The following HAUS8 variants were observed in gnomAD, a reference collection of about 807,000 sequenced individuals.
HAUS8 encodes the protein HAUS augmin-like complex subunit 8.
HAUS8 carries 38 observed loss-of-function variants against 42.9 expected under a neutral mutation model. That is an observed-to-expected ratio of 0.89 (90% confidence interval 0.68 to 1.16). HAUS8 has a LOEUF of 1.16. HAUS8 is among the 50% of genes most tolerant of loss of function. The pLI is 0.00. For synonymous variants in HAUS8, 199 were observed against 205.8 expected, an observed-to-expected ratio of 0.97 and a Z score of 0.28; for missense variants, 494 against 511.6, an observed-to-expected ratio of 0.97 and a Z score of 0.33.
intron 2 of HAUS8, 73 bp downstream of exon 2, chr19:17,073,201 T>C (rs1386922639): frequency 9.4e-6 from 13 of 1,389,746 alleles, no homozygotes; most frequent in Non-Finnish European, 1.2e-5. Context: ...TCTGGCCTGT[T>C]TTTTTCTTCC....
At position 17,052,905 on chromosome 19, in the gene HAUS8, A is replaced by AT. The variant is rs1280211440; in HGVS notation, c.848dup (p.Asp283GlufsTer25). On this transcript the variant is annotated frameshift_variant, in exon 10 of 11. Transcript: ENST00000253669. LOFTEE classifies it high-confidence loss of function. ...CCAGCACCTGCACATTTTCTTCCGAATCACCAACATCAAGTTCTCCCAGGA... is the reference window on the plus strand; with the variant it reads ...CCAGCACCTGCACATTTTCTTCCGAATTCACCAACATCAAGTTCTCCCAGGA... 3 of 1,614,142 alleles carry AT rather than the reference A, an allele frequency of 1.9e-6. No individual in the cohort carries two copies. In the South Asian group the frequency reaches 3.3e-5, roughly 18 times the overall value.
chr19:17,056,253 G>A (rs1157602962), intron 8 of HAUS8, among the ~76,000 whole-genome samples: 1 of 152,168 alleles, frequency 6.6e-6, no homozygotes, highest in Admixed American at 6.5e-5. Context: ...CCTCAGCTGA[G>A]CCCACCTGCT....
intron 3 of HAUS8, among the ~76,000 whole-genome samples, chr19:17,064,768 G>A (rs2057378566): frequency 6.6e-6 from 1 of 152,180 alleles, no homozygotes; most frequent in African/African-American, 2.4e-5. Flanking sequence ...CAAGAAAACA[G>A]GAGAAAAATC....
Position 17,060,166 on chromosome 19 carries a change from G to A in HAUS8, c.230-74C>T, listed in dbSNP as rs547538829. 572 of 1,032,984 alleles carry A rather than the reference G, an allele frequency of 5.5e-4. 1 individual carries two copies. The highest frequency in any genetic ancestry group is 9.6e-4 in the African/African-American group (60 of 62,808). 64.0% of individuals were successfully genotyped at this position (1,032,984 alleles called of 1,614,324 possible). On this transcript the variant is annotated intron_variant, in intron 4 of 10. Coordinates refer to ENST00000253669, the MANE Select transcript of HAUS8 (RefSeq NM_033417.2). ...CCATTCAAGCCAGGAAACGCAGGCC[G>A]TGTTTTTGAACAATACCACTTGCTT...
chr19:17,058,526 A>C (rs371952776), intron 8 of HAUS8, 23 bp downstream of exon 8: 1 of 1,567,558 alleles, frequency 6.4e-7, no homozygotes, highest in Non-Finnish European at 8.6e-7. Flanking sequence ...CTCACTGGTC[A>C]CAGAGTGTCA....
rs2057368117 is a variant in HAUS8 at position 17,062,714 on chromosome 19, C to T, written c.213G>A (p.Leu71=). The change falls in exon 4 of 11, where the codon CTG becomes CTA. Residue 71 remains leucine (L), a synonymous_variant. Transcript: ENST00000253669. ...KMSEGGRKSS[L]LQKSKADSSG... is the part of the protein sequence containing the mutation. ...GTTTCGCACCTTTGCTTTTCTGGAG[C>T]AGGCTGGATTTCCTTCCACCTTCAG... 4 of 1,614,148 alleles carry T rather than the reference C, an allele frequency of 2.5e-6. No individual in the cohort carries two copies. Among genetic ancestry groups the T allele is most frequent in the Non-Finnish European group, 3.4e-6 (4 of 1,179,980 alleles).
upstream of HAUS8, chr19:17,075,526 T>C (rs2057468388): frequency 1.5e-6 from 2 of 1,296,770 alleles, no homozygotes; most frequent in Non-Finnish European, 2.2e-6. Flanking sequence ...GAGGGGTGGC[T>C]GCGAGGCGTG....
chr19:17,059,796 G>C, intron 5 of HAUS8, 145 bp from the exon 6 acceptor site: 1 of 687,582 alleles, frequency 1.5e-6, no homozygotes, highest in South Asian at 1.8e-5. Flanking sequence ...TCCAGTTAAA[G>C]TTGTTCAACT....
rs1380040788 is a variant in HAUS8, at chr19:17,056,091, T to C, written c.646-89A>G. ...CTTAACGGCTTGTGCAGGGTTAAGATACAGCGCTGTTCTTCACCACCCCCC... is the reference window on the plus strand; with the variant it reads ...CTTAACGGCTTGTGCAGGGTTAAGACACAGCGCTGTTCTTCACCACCCCCC... On this transcript the variant is annotated intron_variant, in intron 8 of 10. Transcript: ENST00000253669. 10 of 1,126,984 alleles carry C rather than the reference T, an allele frequency of 8.9e-6. No individual in the cohort carries two copies. The East Asian group carries it at 2.4e-4, about 27-fold the overall frequency. 69.8% of individuals were successfully genotyped at this position (1,126,984 alleles called of 1,614,324 possible). A position where few individuals can be genotyped will look rare whatever the true frequency, so the allele number is the denominator to read the frequency against.
chr19:17,072,337 CCT>C (rs1491103600), intron 2 of HAUS8, among the ~76,000 whole-genome samples: 10 of 127,212 alleles, frequency 7.9e-5, no homozygotes, highest in Admixed American at 2.8e-4. Flanking sequence ...CCGAGCATTT[CCT>C]TTTTTTTTTT....
In HAUS8 at chr19:17,062,780, C is replaced by G. The variant is rs1363200320; in HGVS notation, c.148-1G>C. 1.2e-6 allele frequency: 2 copies of G among 1,611,470 alleles called. No homozygotes were observed. Among genetic ancestry groups the G allele is most frequent in the Non-Finnish European group, 1.7e-6 (2 of 1,177,678 alleles). On this transcript the variant is annotated splice_acceptor_variant, in intron 3 of 10. Coordinates refer to ENST00000253669, the MANE Select transcript of HAUS8 (RefSeq NM_033417.2). LOFTEE classifies it high-confidence loss of function. ...TCTGTGACCCATCTCCTGCAGGAGC[C>G]TGTTATGGGAACACATGACACTCAG...
At chr19:17,058,463 C>A in intron 8 of HAUS8, 86 bp downstream of exon 8, 2 of 1,333,960 alleles carry the variant, frequency 1.5e-6, no homozygotes, top group South Asian at 1.4e-5. Context: ...GCAATGATAC[C>A]CTAGCACGAA....
chr19:17,064,132 G>C (rs1013379644), intron 3 of HAUS8, among the ~76,000 whole-genome samples: 1 of 152,124 alleles, frequency 6.6e-6, no homozygotes. Context: ...AATTAAAATA[G>C]AGTACCATAT....
chr19:17,060,200 C>T (rs1452352036), intron 4 of HAUS8, 108 bp from the exon 5 acceptor site: 10 of 546,022 alleles, frequency 1.8e-5, no homozygotes, highest in Non-Finnish European at 2.2e-5. Flanking sequence ...TTCTAAAAGC[C>T]CAATTTCGTC....
At position 17,062,931 on chromosome 19, in the gene HAUS8, G is replaced by A. The variant is rs1210925548; in HGVS notation, c.148-152C>T. The A allele has an allele frequency of 5.1e-6, 3 of 591,490 alleles. No individual in the cohort carries two copies. In the African/African-American group the frequency reaches 5.6e-5, roughly 11 times the overall value. The allele number at this position is 591,490 out of a possible 1,614,324, so 36.6% of individuals were successfully genotyped here. On this transcript the variant is annotated intron_variant, in intron 3 of 10. Coordinates refer to ENST00000253669, the MANE Select transcript of HAUS8 (RefSeq NM_033417.2). ...TTTGAAATCTTACCTCATATACACA[G>A]GACAAACAAATTTTGTCAAAATGTA...
intron 10 of HAUS8, among the ~76,000 whole-genome samples, chr19:17,051,366 GT>G (rs2057286119): frequency 7.2e-6 from 1 of 139,676 alleles, no homozygotes; most frequent in South Asian, 2.4e-4. Context: ...AAAGCGCGTG[GT>G]TAGAAATCTC....
intron 1 of HAUS8, 21 bp from the exon 2 acceptor site, chr19:17,073,356 G>A: frequency 6.2e-7 from 1 of 1,611,322 alleles, no homozygotes. Flanking sequence ...AGAGAGAGAG[G>A]TCTTGTTCAC....
At position 17,049,783 on chromosome 19, in the gene HAUS8, T is replaced by C; in HGVS notation, c.*90A>G. 1 of 1,147,720 alleles carries C rather than the reference T, an allele frequency of 8.7e-7. No individual in the cohort carries two copies. The highest frequency in any genetic ancestry group is 1.1e-6 in the Non-Finnish European group (1 of 869,890). The allele number at this position is 1,147,720 out of a possible 1,614,324, so 71.1% of individuals were successfully genotyped here. A position where few individuals can be genotyped will look rare whatever the true frequency, so the allele number is the denominator to read the frequency against. On this transcript the variant is annotated 3_prime_UTR_variant, in exon 11 of 11. Coordinates refer to ENST00000253669, the MANE Select transcript of HAUS8 (RefSeq NM_033417.2). Reference sequence around the variant, plus strand: ...GGCTTCAATTGCAAAACAGGTTTACTTTTTTATCAAACAAGATTATCACAT... The same window carrying C: ...GGCTTCAATTGCAAAACAGGTTTACCTTTTTATCAAACAAGATTATCACAT...
At chr19:17,054,085 G>A (rs563443325) in intron 9 of HAUS8, among the ~76,000 whole-genome samples, 9 of 152,190 alleles carry the variant, frequency 5.9e-5, no homozygotes, top group African/African-American at 1.4e-4. Context: ...ACCAGCAGGT[G>A]GGGGAGACAC....
Sources: allele counts gnomAD v4.1 joint callset (sites outside exome capture counted in the v4.1 genomes callset), GRCh38; gene constraint gnomAD v4.1.1; transcripts MANE v1.5; gene names NCBI Gene and HGNC (gene_info 2026-07-23, HGNC 2026-07-21).